Variants in SYNE2 observed in about 807,000 individuals in gnomAD.
The protein encoded by SYNE2 is nesprin-2.
SYNE2 carries 431 observed loss-of-function variants against 856.3 expected under a neutral mutation model. The ratio of observed to expected loss-of-function variants is 0.50; its 90% CI spans 0.47 to 0.55. SYNE2 has a LOEUF of 0.55. Ranked by LOEUF, SYNE2 falls within the 20% of genes least tolerant of loss-of-function variation. SYNE2 has a pLI of 0.00. For missense variants in SYNE2, 8,129 were observed against 8,023.2 expected, an observed-to-expected ratio of 1.01 and a Z score of -0.50; for synonymous variants, 2,923 against 2,872.3, an observed-to-expected ratio of 1.02 and a Z score of -0.56.
chr14:63,807,626 G>GTTT (rs1888412731), intron 1 of SYNE2, among the ~76,000 whole-genome samples: 12 of 149,226 alleles, frequency 8.0e-5, no homozygotes, highest in Admixed American at 7.4e-4. Flanking sequence ...TTCTTAGAGA[G>GTTT]TTGGTCTGCT....
intron 34 of SYNE2, among the ~76,000 whole-genome samples, chr14:64,019,644 C>CGT (rs371970514): frequency 1.5e-4 from 22 of 151,280 alleles, no homozygotes; most frequent in African/African-American, 3.4e-4. Context: ...ATTGTGTGTC[C>CGT]GTGTGTGTGT....
chr14:63,801,478 G>A (rs1055152235), intron 1 of SYNE2, among the ~76,000 whole-genome samples: 24 of 152,072 alleles, frequency 1.6e-4, no homozygotes, highest in African/African-American at 5.3e-4. Context: ...TCGAGACCTC[G>A]AGACCAGCCT....
chr14:63,873,503 C>T (rs967233713), intron 1 of SYNE2: 1 of 152,270 alleles, frequency 6.6e-6, no homozygotes, highest in Non-Finnish European at 1.5e-5. Flanking sequence ...TCAAGCGATT[C>T]TTTTGCCTCA....
chr14:63,901,790 G>A (rs2095340506), intron 1 of SYNE2, among the ~76,000 whole-genome samples: 1 of 152,160 alleles, frequency 6.6e-6, no homozygotes, highest in Admixed American at 6.5e-5. Context: ...CAAGCGTGGT[G>A]GCGTGTGCCT....
At chr14:64,130,719 T>C (rs2098008601) in intron 76 of SYNE2, among the ~76,000 whole-genome samples, 1 of 151,906 alleles carries the variant, frequency 6.6e-6, no homozygotes, top group Non-Finnish European at 1.5e-5. Flanking sequence ...ACCCTGTCTC[T>C]ACCAAAAATA....
At chr14:63,962,075 G>T (rs2096325077) in intron 9 of SYNE2, among the ~76,000 whole-genome samples, 1 of 149,834 alleles carries the variant, frequency 6.7e-6, no homozygotes, top group Admixed American at 6.6e-5. Context: ...ATTTATTTTT[G>T]AGATGGAGTC....
intron 104 of SYNE2, 72 bp from the exon 105 acceptor site, chr14:64,212,739 T>C (rs2098647708): frequency 7.1e-7 from 1 of 1,398,678 alleles, no homozygotes; most frequent in Non-Finnish European, 1.0e-6. Flanking sequence ...TCTATGGCCC[T>C]GTTAGAAGAA....
At chr14:63,958,063 T>A (rs1325462548) in intron 8 of SYNE2, among the ~76,000 whole-genome samples, 1 of 152,022 alleles carries the variant, frequency 6.6e-6, no homozygotes, top group Non-Finnish European at 1.5e-5. Flanking sequence ...AAAAAAAGCC[T>A]TTTCAGTTTT....
chr14:63,790,663 C>G (rs1887700976), intron 1 of SYNE2, among the ~76,000 whole-genome samples: 1 of 152,074 alleles, frequency 6.6e-6, no homozygotes, highest in Non-Finnish European at 1.5e-5. Flanking sequence ...ATAGGAGAGG[C>G]TGTTGGATAA....
intron 100 of SYNE2, among the ~76,000 whole-genome samples, chr14:64,203,637 T>C (rs942507353): frequency 4.6e-5 from 7 of 152,240 alleles, no homozygotes; most frequent in African/African-American, 1.4e-4. Context: ...TTCTCACTTG[T>C]AATGCCTGGA....
At chr14:63,944,823 G>GTTTTTTTTT (rs2095995950) in intron 6 of SYNE2, among the ~76,000 whole-genome samples, 1 of 65,800 alleles carries the variant, frequency 1.5e-5, no homozygotes, top group Non-Finnish European at 2.7e-5. Flanking sequence ...TGGGCTTAAA[G>GTTTTTTTTT]CTTTTTTTTT....
intron 60 of SYNE2, among the ~76,000 whole-genome samples, chr14:64,092,333 A>T (rs1242916512): frequency 6.6e-6 from 1 of 152,204 alleles, no homozygotes; most frequent in Non-Finnish European, 1.5e-5. Context: ...GTCCCCTCAT[A>T]TATTTCAAAG....
chr14:63,932,880 G>A (rs769786210), intron 2 of SYNE2, among the ~76,000 whole-genome samples: 37 of 152,188 alleles, frequency 2.4e-4, no homozygotes, highest in African/African-American at 7.0e-4. Context: ...GTGAAACGTC[G>A]TTGGCGAATT....
At chr14:63,911,283 G>A (rs969310709) in intron 2 of SYNE2, among the ~76,000 whole-genome samples, 2 of 152,134 alleles carry the variant, frequency 1.3e-5, no homozygotes, top group African/African-American at 2.4e-5. Flanking sequence ...TCCCCAGGAC[G>A]ATTAGAATCA....
chr14:63,777,696 T>C (rs1887160559), intron 1 of SYNE2, among the ~76,000 whole-genome samples: 1 of 152,136 alleles, frequency 6.6e-6, no homozygotes, highest in African/African-American at 2.4e-5. Context: ...AAAGACAGGG[T>C]CTCGCTCTGT....
chr14:64,224,813 AG>A (rs2098711114), intron 114 of SYNE2, among the ~76,000 whole-genome samples, 185 bp from the exon 115 acceptor site: 1 of 152,220 alleles, frequency 6.6e-6, no homozygotes, highest in African/African-American at 2.4e-5. Flanking sequence ...GAAACTGAGT[AG>A]ATTAACCTAA....
chr14:64,131,920 GT>G (rs1292159522), intron 76 of SYNE2, among the ~76,000 whole-genome samples: 2 of 151,988 alleles, frequency 1.3e-5, no homozygotes, highest in Non-Finnish European at 2.9e-5. Context: ...CAAAGACTGA[GT>G]TTTTTTGTTT....
intron 1 of SYNE2, among the ~76,000 whole-genome samples, chr14:63,775,016 G>A (rs1336295887): frequency 5.3e-5 from 8 of 151,748 alleles, no homozygotes; most frequent in African/African-American, 1.7e-4. Context: ...CACTCTTGCC[G>A]CCCAAGCTGG....
In SYNE2 at chr14:64,053,508, G is replaced by C. The variant is rs370372629; in HGVS notation, c.9595G>C (p.Val3199Leu). The change falls in exon 48 of 116, where the codon GTT becomes CTT. Residue 3199 changes from valine to leucine, a missense_variant. Val to Leu is a conservative substitution (Grantham distance 32). Coordinates refer to ENST00000555002, the MANE Select transcript of SYNE2 (RefSeq NM_182914.3). ...KDNCEAFQEQ[V>L]WAEMCSIKAV... ...CAATTGTGAAGCATTTCAGGAGCAA[G>C]TTTGGGCAGAAATGTGTAGTATTAA... The C allele has an allele frequency of 1.9e-6, 3 of 1,614,118 alleles. No homozygotes were observed. In the African/African-American group the frequency reaches 4.0e-5, roughly 22 times the overall value.
Sources: allele counts gnomAD v4.1 joint callset (sites outside exome capture counted in the v4.1 genomes callset), GRCh38; gene constraint gnomAD v4.1.1; transcripts MANE v1.5; gene names NCBI Gene and HGNC (gene_info 2026-07-23, HGNC 2026-07-21).